The following CCDC174 variants were observed in gnomAD, a reference collection of about 807,000 sequenced individuals.
The protein encoded by CCDC174 is coiled-coil domain containing 174.
Under a neutral mutation model 57.1 loss-of-function variants are expected in CCDC174, and 37 were observed. The ratio of observed to expected loss-of-function variants is 0.65; its 90% CI spans 0.50 to 0.85. The LOEUF (loss-of-function observed/expected upper bound fraction) is 0.85, where lower values mean the gene tolerates loss of function less well. Ranked by LOEUF, CCDC174 falls within the 40% of genes least tolerant of loss-of-function variation. The probability of loss-of-function intolerance (pLI) is 0.00; values close to 1 mark genes in which losing one functional copy is unlikely to be tolerated. For synonymous variants in CCDC174, 182 were observed against 190.2 expected (o/e 0.96, Z 0.35); for missense variants, 540 against 574.3 (o/e 0.94, Z 0.61).
intron 10 of CCDC174, among the ~76,000 whole-genome samples, chr3:14,670,680 A>G (rs1036544498): frequency 6.6e-5 from 10 of 152,204 alleles, no homozygotes; most frequent in Admixed American, 5.2e-4. Context: ...GTATTTCCCC[A>G]TCTAGAGATA....
intron 4 of CCDC174, among the ~76,000 whole-genome samples, chr3:14,659,299 G>A (rs1319022085): frequency 6.8e-6 from 1 of 147,378 alleles, no homozygotes; most frequent in Non-Finnish European, 1.5e-5. Flanking sequence ...GTTGGGCTGG[G>A]TGGAATTGTG....
At position 14,671,100 on chromosome 3, in the gene CCDC174, C is replaced by T. The variant is rs148416293; in HGVS notation, c.1310C>T (p.Ser437Leu). ...CACGGACCTAGCCCTGAACATACGTCACCCACTCCTGCCCCCGACAACCCA... is the reference window on the plus strand; with the variant it reads ...CACGGACCTAGCCCTGAACATACGTTACCCACTCCTGCCCCCGACAACCCA... The part of the protein sequence containing the change: ...QSHGPSPEHT[S>L]PTPAPDNPPQ... Residue 437 changes from serine to leucine, a missense_variant, in exon 11 of 11, where the codon TCA becomes TTA. By Grantham distance (145) the Ser-to-Leu change is moderately radical. Transcript: ENST00000383794. 3 of 1,614,074 alleles carry T rather than the reference C, an allele frequency of 1.9e-6. No homozygotes were observed. Among genetic ancestry groups the T allele is most frequent in the Non-Finnish European group, 2.5e-6 (3 of 1,180,044 alleles).
At chr3:14,656,891 A>G (rs916811271) in intron 3 of CCDC174, among the ~76,000 whole-genome samples, 7 of 152,200 alleles carry the variant, frequency 4.6e-5, no homozygotes, top group African/African-American at 1.7e-4. Context: ...TATATGGAAT[A>G]ATAAAATTCT....
intron 4 of CCDC174, among the ~76,000 whole-genome samples, chr3:14,660,238 G>T (rs529632064): frequency 4.6e-5 from 7 of 152,358 alleles, no homozygotes; most frequent in African/African-American, 1.7e-4. Context: ...AGGCGTGGTG[G>T]CTCATGCCTG....
chr3:14,669,962 G>A lies in CCDC174; in HGVS notation c.981G>A (p.Pro327=), dbSNP rs138874628. 406 of 1,613,722 alleles carry A rather than the reference G, an allele frequency of 2.5e-4. No individual in the cohort carries two copies. The highest frequency in any genetic ancestry group is 2.2e-3 in the African/African-American group (165 of 74,958). Residue 327 remains proline, a synonymous_variant, in exon 10 of 11, where the codon CCG becomes CCA. Transcript: ENST00000383794. The stretch of plus-strand genomic sequence containing the variant: ...GAGATGTTATTGGGCCTTTGCCACC[G>A]GAGCCAGAGGCTGTGCCAACCCCAC... The part of the protein sequence containing the change: ...RDGDVIGPLP[P]EPEAVPTPRP...
Position 14,658,789 on chromosome 3 carries a change from A to G in CCDC174, c.249-82A>G. On this transcript the variant is annotated intron_variant, in intron 3 of 10. Coordinates refer to ENST00000383794, the MANE Select transcript of CCDC174 (RefSeq NM_016474.5). ...AGGCTGGGCCTCATGGGCAGATGGTACCTGTCAGGCAGGGAGTGTGGGGGC... is the reference window on the plus strand; with the variant it reads ...AGGCTGGGCCTCATGGGCAGATGGTGCCTGTCAGGCAGGGAGTGTGGGGGC... 4 of 1,407,660 alleles carry G rather than the reference A, an allele frequency of 2.8e-6. No individual in the cohort carries two copies. In the East Asian group the frequency reaches 7.9e-5, roughly 28 times the overall value. 87.2% of individuals were successfully genotyped at this position (1,407,660 alleles called of 1,614,324 possible). A position where few individuals can be genotyped will look rare whatever the true frequency, so the allele number is the denominator to read the frequency against.
At position 14,666,847 on chromosome 3, in the gene CCDC174, T is replaced by C. The variant is rs766041003; in HGVS notation, c.624T>C (p.Asp208=). Residue 208 remains aspartate (D), a synonymous_variant, in exon 7 of 11, where the codon GAT becomes GAC. Coordinates refer to ENST00000383794, the MANE Select transcript of CCDC174 (RefSeq NM_016474.5). ...ATGAAAAAACCCTATTATCTGAAGA[T>C]ATGAGAAAAGAACTTCAGCGCCAGC... ...PANEKTLLSE[D]MRKELQRQQW... 1 of 1,597,814 alleles carries C rather than the reference T, an allele frequency of 6.3e-7. No individual in the cohort carries two copies. Among genetic ancestry groups the C allele is most frequent in the Non-Finnish European group, 8.5e-7 (1 of 1,176,042 alleles).
chr3:14,660,599 T>A (rs2031098723), intron 4 of CCDC174, among the ~76,000 whole-genome samples: 2 of 152,188 alleles, frequency 1.3e-5, no homozygotes. Flanking sequence ...TCCAAAGGAG[T>A]GTGAAGGTAG....
At chr3:14,670,471 G>T (rs1273068904) in intron 10 of CCDC174, among the ~76,000 whole-genome samples, 1 of 152,220 alleles carries the variant, frequency 6.6e-6, no homozygotes, top group African/African-American at 2.4e-5. Context: ...AGCCCATGCT[G>T]TCTGAGCTGA....
intron 4 of CCDC174, among the ~76,000 whole-genome samples, chr3:14,660,430 C>T (rs937468842): frequency 5.9e-5 from 9 of 152,130 alleles, no homozygotes; most frequent in African/African-American, 1.4e-4. Flanking sequence ...CTTGAACCCG[C>T]GAGGCGGAGG....
At chr3:14,665,556 GCCTAAGA>G (rs1398580459) in intron 6 of CCDC174, among the ~76,000 whole-genome samples, 1 of 152,152 alleles carries the variant, frequency 6.6e-6, no homozygotes, top group African/African-American at 2.4e-5. Context: ...TTTCAGCAGG[GCCTAAGA>G]CCTAAGACAT....
At chr3:14,668,592 G>A (rs1319230676) in intron 9 of CCDC174, among the ~76,000 whole-genome samples, 3 of 151,962 alleles carry the variant, frequency 2.0e-5, no homozygotes, top group Non-Finnish European at 4.4e-5. Flanking sequence ...TATGAATATC[G>A]ACAGCTTGCC....
intron 5 of CCDC174, among the ~76,000 whole-genome samples, chr3:14,663,920 C>T (rs748373268): frequency 2.6e-5 from 4 of 152,124 alleles, no homozygotes; most frequent in Non-Finnish European, 5.9e-5. Context: ...AAATTAAGCT[C>T]CAGAATTGTA....
At chr3:14,658,031 A>G (rs1041127435) in intron 3 of CCDC174, among the ~76,000 whole-genome samples, 3 of 152,254 alleles carry the variant, frequency 2.0e-5, no homozygotes, top group Admixed American at 2.0e-4. Flanking sequence ...GAAGCCTGAT[A>G]TGAGTGAGCC....
intron 3 of CCDC174, among the ~76,000 whole-genome samples, chr3:14,656,276 T>G (rs13071092): frequency 0.44 from 66,320 of 152,034 alleles, 16,440 homozygotes; most frequent in South Asian, 0.65. Context: ...ATGTATTTTA[T>G]AGATTTAAAA....
intron 3 of CCDC174, among the ~76,000 whole-genome samples, chr3:14,656,919 T>C (rs1256560873): frequency 6.6e-6 from 1 of 152,174 alleles, no homozygotes; most frequent in Non-Finnish European, 1.5e-5. Context: ...CAAACAGTAG[T>C]TGCCAAGGTT....
intron 3 of CCDC174, among the ~76,000 whole-genome samples, chr3:14,656,068 C>A (rs1237474864): frequency 6.6e-6 from 1 of 152,200 alleles, no homozygotes; most frequent in Non-Finnish European, 1.5e-5. Context: ...CTCTCTTACA[C>A]ACACACACGC....
chr3:14,668,522 TTA>T (rs950653017), intron 9 of CCDC174, among the ~76,000 whole-genome samples: 2 of 152,132 alleles, frequency 1.3e-5, no homozygotes, highest in Non-Finnish European at 2.9e-5. Context: ...ATTGGTTATT[TTA>T]TATATATATT....
intron 6 of CCDC174, among the ~76,000 whole-genome samples, chr3:14,665,377 A>G (rs1193120800): frequency 6.6e-6 from 1 of 152,210 alleles, no homozygotes; most frequent in Non-Finnish European, 1.5e-5. Context: ...CTGACAACAG[A>G]GTAACAGAAT....
Sources: allele counts gnomAD v4.1 joint callset (sites outside exome capture counted in the v4.1 genomes callset), GRCh38; gene constraint gnomAD v4.1.1; transcripts MANE v1.5; gene names NCBI Gene and HGNC (gene_info 2026-07-23, HGNC 2026-07-21).